Variants in NAALADL2 observed in about 807,000 individuals in gnomAD.
NAALADL2 encodes inactive N-acetylated-alpha-linked acidic dipeptidase-like protein 2.
A neutral mutation model predicts 87.2 loss-of-function variants in NAALADL2; 76 were observed. The ratio of observed to expected loss-of-function variants is 0.87; its 90% CI spans 0.72 to 1.05. NAALADL2 has a LOEUF of 1.05. Among genes scored for constraint, NAALADL2 ranks in the 50% least tolerant of loss-of-function variants. The pLI is 0.00. For missense variants in NAALADL2, 1,089 were observed against 945.8 expected (o/e 1.15, Z -1.99); for synonymous variants, 354 against 331.0 (o/e 1.07, Z -0.75).
intron 3 of NAALADL2, among the ~76,000 whole-genome samples, chr3:174,780,501 A>G (rs764870737): frequency 6.6e-6 from 1 of 152,184 alleles, no homozygotes; most frequent in Non-Finnish European, 1.5e-5. Context: ...TGCCCTGGCC[A>G]GAACTTCCAA....
At chr3:174,986,279 AATATATACACAATATATATAAT>A (rs1468281115) in intron 1 of NAALADL2, among the ~76,000 whole-genome samples, 91 of 147,740 alleles carry the variant, frequency 6.2e-4, no homozygotes, top group Admixed American at 1.4e-3. Flanking sequence ...ATATATATAA[AATATATACACAATATATATAAT>A]ATATATACAC....
chr3:174,457,097 A>G (rs2108284309), intron 1 of NAALADL2, among the ~76,000 whole-genome samples: 1 of 152,282 alleles, frequency 6.6e-6, no homozygotes, highest in South Asian at 2.1e-4. Context: ...TAAGAATATG[A>G]AAAAAAGCTC....
intron 1 of NAALADL2, among the ~76,000 whole-genome samples, chr3:174,507,564 C>G (rs1202801005): frequency 2.0e-5 from 3 of 151,876 alleles, no homozygotes; most frequent in Non-Finnish European, 4.4e-5. Flanking sequence ...CATCTCTGTG[C>G]AGTCAGTCCT....
At position 175,139,252 on chromosome 3, in the gene NAALADL2, A is replaced by G. The variant is rs535605155; in HGVS notation, c.545+41961A>G. On this transcript the variant is annotated intron_variant, in intron 2 of 13. Coordinates refer to ENST00000454872, the MANE Select transcript of NAALADL2 (RefSeq NM_207015.3). ...GTTACTGCTTCTCTTTCCCTTTTAA[A>G]TACATCCTTGTTCTGGAAATCATAA... is the stretch of plus-strand genomic sequence containing the variant. Among the ~76,000 whole-genome samples, 6 of 151,978 alleles carry G rather than the reference A, an allele frequency of 3.9e-5. No individual in the cohort carries two copies. In the South Asian group the frequency reaches 8.3e-4, roughly 21 times the overall value.
chr3:175,480,301 ACT>A (rs66515433), intron 9 of NAALADL2, among the ~76,000 whole-genome samples: 90,953 of 151,218 alleles, frequency 0.6, 29,372 homozygotes, highest in East Asian at 0.89. Flanking sequence ...AATGTTTACA[ACT>A]CTTTTCTGAG....
chr3:175,716,843 T>C (rs1374260569), intron 11 of NAALADL2, among the ~76,000 whole-genome samples: 6 of 152,152 alleles, frequency 3.9e-5, no homozygotes, highest in African/African-American at 1.4e-4. Context: ...TTAGTAACTT[T>C]GGAGACTGAC....
At chr3:175,388,424 G>A (rs895452893) in intron 5 of NAALADL2, among the ~76,000 whole-genome samples, 1 of 151,878 alleles carries the variant, frequency 6.6e-6, no homozygotes, top group African/African-American at 2.4e-5. Context: ...TAAAATTTCA[G>A]TAAGTATACA....
intron 2 of NAALADL2, among the ~76,000 whole-genome samples, chr3:175,212,840 A>C (rs1741959377): frequency 6.6e-6 from 1 of 152,154 alleles, no homozygotes; most frequent in African/African-American, 2.4e-5. Flanking sequence ...GAAATACTTA[A>C]ATAACGCAGA....
At chr3:175,578,112 A>T (rs918772787) in intron 10 of NAALADL2, among the ~76,000 whole-genome samples, 4 of 151,940 alleles carry the variant, frequency 2.6e-5, no homozygotes, top group East Asian at 1.9e-4. Context: ...GCTTTTTTTT[A>T]AAAAATCCGT....
chr3:175,299,270 T>C (rs1030548170), intron 4 of NAALADL2, among the ~76,000 whole-genome samples: 2 of 152,188 alleles, frequency 1.3e-5, no homozygotes, highest in African/African-American at 4.8e-5. Flanking sequence ...TTTGGTTCCA[T>C]ATGAAATATA....
At chr3:175,499,615 C>T (rs933882520) in intron 9 of NAALADL2, among the ~76,000 whole-genome samples, 21 of 151,790 alleles carry the variant, frequency 1.4e-4, no homozygotes, top group Non-Finnish European at 2.5e-4. Context: ...GGGATTTATG[C>T]GACAGGTCCG....
At chr3:174,936,431 T>C (rs918453094) in intron 1 of NAALADL2, among the ~76,000 whole-genome samples, 10 of 152,134 alleles carry the variant, frequency 6.6e-5, no homozygotes, top group African/African-American at 2.2e-4. Context: ...AATTGTTTTC[T>C]GTACATAATA....
chr3:175,190,839 G>A (rs977141754), intron 2 of NAALADL2, among the ~76,000 whole-genome samples: 6 of 151,842 alleles, frequency 4.0e-5, no homozygotes, highest in Non-Finnish European at 7.4e-5. Context: ...TTAGCCGGGC[G>A]TGGTGGCGGG....
chr3:174,660,762 C>A (rs1725430734), intron 2 of NAALADL2, among the ~76,000 whole-genome samples: 1 of 151,846 alleles, frequency 6.6e-6, no homozygotes, highest in East Asian at 1.9e-4. Context: ...ATAATTTTTG[C>A]CTTATTATTA....
chr3:175,648,699 G>GTTA (rs1401488229), intron 11 of NAALADL2, among the ~76,000 whole-genome samples: 1 of 152,010 alleles, frequency 6.6e-6, no homozygotes, highest in Non-Finnish European at 1.5e-5. Context: ...GAGAACTTTC[G>GTTA]TTAGATCAGA....
At chr3:175,501,443 A>ACACACACACACAC (rs1560661514) in intron 9 of NAALADL2, among the ~76,000 whole-genome samples, 2 of 151,798 alleles carry the variant, frequency 1.3e-5, no homozygotes, top group Non-Finnish European at 1.5e-5. Context: ...ACACACACAC[A>ACACACACACACAC]AAGGCAGCAT....
At chr3:175,136,953 G>A (rs1279073055) in intron 2 of NAALADL2, among the ~76,000 whole-genome samples, 1 of 152,118 alleles carries the variant, frequency 6.6e-6, no homozygotes, top group Admixed American at 6.6e-5. Context: ...TACATCATTG[G>A]TGGGCAAAAA....
intron 2 of NAALADL2, among the ~76,000 whole-genome samples, chr3:174,562,679 T>G (rs1713770926): frequency 6.6e-6 from 1 of 152,050 alleles, no homozygotes. Flanking sequence ...ATGTAAATAT[T>G]GTCTACTGGA....
intron 11 of NAALADL2, among the ~76,000 whole-genome samples, chr3:175,667,231 GAAAGAAAGAAAAAGAAAGAAAGA>G (rs1733246837): frequency 8.6e-6 from 1 of 116,712 alleles, no homozygotes; most frequent in African/African-American, 4.3e-5. Context: ...AAGAAAGAAA[GAAAGAAAGAAAAAGAAAGAAAGA>G]AAGAAAGAAA....
Sources: allele counts gnomAD v4.1 joint callset (sites outside exome capture counted in the v4.1 genomes callset), GRCh38; gene constraint gnomAD v4.1.1; transcripts MANE v1.5; gene names NCBI Gene and HGNC (gene_info 2026-07-23, HGNC 2026-07-21).